The following TYW1 variants were observed in gnomAD, a reference collection of about 807,000 sequenced individuals.
The protein encoded by TYW1 is S-adenosyl-L-methionine-dependent tRNA 4-demethylwyosine synthase TYW1.
TYW1 carries 46 observed loss-of-function variants against 96.2 expected under a neutral mutation model. That is an observed-to-expected ratio of 0.48 (90% CI 0.38 to 0.61). The LOEUF (loss-of-function observed/expected upper bound fraction) is 0.61, where lower values mean the gene tolerates loss of function less well. Among genes scored for constraint, TYW1 ranks in the 20% least tolerant of loss-of-function variants. TYW1 has a pLI of 0.00. For missense variants in TYW1, 684 were observed against 909.6 expected (o/e 0.75, Z 3.19); for synonymous variants, 274 against 323.0 (o/e 0.85, Z 1.63).
chr7:67,199,161 C>T (rs2116355102), intron 15 of TYW1, among the ~76,000 whole-genome samples: 1 of 151,588 alleles, frequency 6.6e-6, no homozygotes, highest in East Asian at 1.9e-4. Flanking sequence ...TATGCCATTG[C>T]ACTTTATTCT....
At chr7:67,084,973 A>G (rs1584541301) in intron 11 of TYW1, among the ~76,000 whole-genome samples, 1 of 152,136 alleles carries the variant, frequency 6.6e-6, no homozygotes, top group African/African-American at 2.4e-5. Context: ...TCTGGTCTCT[A>G]CCTACCACTG....
At chr7:67,004,391 G>C (rs1236852140) in intron 3 of TYW1, among the ~76,000 whole-genome samples, 1 of 151,990 alleles carries the variant, frequency 6.6e-6, no homozygotes, top group African/African-American at 2.4e-5. Context: ...TCCCAAGAGA[G>C]CTTGTTGGTA....
At chr7:67,032,313 C>A (rs1339127124) in intron 7 of TYW1, among the ~76,000 whole-genome samples, 1 of 151,918 alleles carries the variant, frequency 6.6e-6, no homozygotes, top group African/African-American at 2.4e-5. Context: ...TGCGGGGAGG[C>A]AGGACAGATA....
intron 15 of TYW1, among the ~76,000 whole-genome samples, chr7:67,218,355 A>AT: frequency 1.5e-5 from 2 of 135,284 alleles, no homozygotes; most frequent in African/African-American, 5.8e-5. Context: ...ATTTATATTT[A>AT]TTTATTTTTT....
chr7:67,048,373 T>C (rs997050560), intron 7 of TYW1, among the ~76,000 whole-genome samples: 1 of 150,668 alleles, frequency 6.6e-6, no homozygotes, highest in African/African-American at 2.4e-5. Flanking sequence ...GGCTGGGGCT[T>C]GGTGGTAGGG....
At chr7:67,099,008 A>G (rs936373745) in intron 12 of TYW1, among the ~76,000 whole-genome samples, 14 of 149,664 alleles carry the variant, frequency 9.4e-5, no homozygotes, top group African/African-American at 3.2e-4. Flanking sequence ...AGAAGCTGTC[A>G]TTTATTTTAT....
intron 14 of TYW1, among the ~76,000 whole-genome samples, chr7:67,186,555 A>G (rs1372724952): frequency 6.6e-6 from 1 of 151,468 alleles, no homozygotes; most frequent in African/African-American, 2.4e-5. Context: ...TGGTGCAATC[A>G]TGGCTCACAG....
At chr7:67,196,850 C>G (rs1057353108) in intron 15 of TYW1, among the ~76,000 whole-genome samples, 4 of 152,018 alleles carry the variant, frequency 2.6e-5, no homozygotes, top group Non-Finnish European at 5.9e-5. Flanking sequence ...TTCAGTTCTT[C>G]AAGTGTTTAT....
At chr7:67,126,520 A>G (rs1371526537) in intron 13 of TYW1, among the ~76,000 whole-genome samples, 1 of 151,862 alleles carries the variant, frequency 6.6e-6, no homozygotes, top group Non-Finnish European at 1.5e-5. Context: ...TTGGTTTGCT[A>G]TCTAAAAAGC....
chr7:67,152,945 C>CT (rs1189935112), intron 13 of TYW1, among the ~76,000 whole-genome samples: 1 of 152,302 alleles, frequency 6.6e-6, no homozygotes, highest in Non-Finnish European at 1.5e-5. Flanking sequence ...TAAAGGAACA[C>CT]AACTGAGCTT....
chr7:67,023,244 A>T (rs112765083), intron 6 of TYW1, among the ~76,000 whole-genome samples: 6 of 151,972 alleles, frequency 3.9e-5, no homozygotes, highest in African/African-American at 1.4e-4. Flanking sequence ...CTACAGGCGC[A>T]TGCCACCACG....
chr7:67,208,105 G>A (rs1800871813), intron 15 of TYW1, among the ~76,000 whole-genome samples: 1 of 151,376 alleles, frequency 6.6e-6, no homozygotes, highest in Non-Finnish European at 1.5e-5. Flanking sequence ...AGGTGGGAGG[G>A]TCACTTGAGG....
chr7:66,998,073 G>C lies in TYW1; in HGVS notation c.13G>C (p.Ala5Pro). Residue 5 changes from alanine (A) to proline (P), a missense_variant, in exon 2 of 16, where the codon GCG becomes CCG. Coordinates refer to ENST00000359626, the MANE Select transcript of TYW1 (RefSeq NM_018264.4). MDPS[A>P]DTWDLFSPLI... The stretch of plus-strand genomic sequence containing the variant: ...TGTCATTTTAAATTTAGATCCTTCT[G>C]CGGATACATGGGACCTCTTCTCACC... The C allele has an allele frequency of 6.3e-7, 1 of 1,591,382 alleles. No individual in the cohort carries two copies.
intron 1 of TYW1, among the ~76,000 whole-genome samples, chr7:66,997,267 T>C (rs541927413): frequency 6.6e-6 from 1 of 152,302 alleles, no homozygotes; most frequent in East Asian, 1.9e-4. Flanking sequence ...GCCTCGACTT[T>C]TGAAATTGCT....
intron 8 of TYW1, among the ~76,000 whole-genome samples, chr7:67,052,107 T>G (rs1319311494): frequency 6.6e-6 from 1 of 152,130 alleles, no homozygotes; most frequent in East Asian, 1.9e-4. Context: ...TTTGAGCAAT[T>G]TAATTATAAT....
chr7:67,073,763 T>A (rs1796113083), intron 10 of TYW1, among the ~76,000 whole-genome samples: 1 of 63,006 alleles, frequency 1.6e-5, no homozygotes, highest in East Asian at 4.2e-4. Context: ...AGTGCGAGAC[T>A]CTTCAAAAAA....
At position 67,074,060 on chromosome 7, in the gene TYW1, C is replaced by G. The variant is rs1796128459; in HGVS notation, c.1274+6657C>G. ...TCACGCCACTGCACTCTAACCTGGG[C>G]TACTCCATCTCAAAAAAAAAAAAAA... On this transcript the variant is annotated intron_variant, in intron 10 of 15. Coordinates refer to ENST00000359626, the MANE Select transcript of TYW1 (RefSeq NM_018264.4). Among the ~76,000 whole-genome samples, 19 of 140,682 alleles carry G rather than the reference C, an allele frequency of 1.4e-4. No homozygotes were observed. The South Asian group carries it at 4.3e-3, about 32-fold the overall frequency. 92.3% of individuals were successfully genotyped at this position (140,682 alleles called of 152,430 possible).
intron 10 of TYW1, among the ~76,000 whole-genome samples, chr7:67,082,649 G>A (rs1274755793): frequency 6.6e-6 from 1 of 152,098 alleles, no homozygotes; most frequent in Admixed American, 6.6e-5. Context: ...TCGGGAGGTT[G>A]AGATGGTTGG....
At chr7:67,032,488 G>A (rs1404775369) in intron 7 of TYW1, among the ~76,000 whole-genome samples, 1 of 152,164 alleles carries the variant, frequency 6.6e-6, no homozygotes, top group Non-Finnish European at 1.5e-5. Context: ...AGCCAGATGT[G>A]ATGGCGCCTG....
Sources: allele counts gnomAD v4.1 joint callset (sites outside exome capture counted in the v4.1 genomes callset), GRCh38; gene constraint gnomAD v4.1.1; transcripts MANE v1.5; gene names NCBI Gene and HGNC (gene_info 2026-07-23, HGNC 2026-07-21).